Variants in MYT1 observed in about 807,000 individuals in gnomAD.
The protein encoded by MYT1 is myelin transcription factor 1.
Under a neutral mutation model 123.0 loss-of-function variants are expected in MYT1, and 23 were observed. The observed-to-expected ratio is 0.19, with a 90% CI of 0.13 to 0.26. The LOEUF is 0.26. Ranked by LOEUF, MYT1 falls within the 10% of genes least tolerant of loss-of-function variation. MYT1 has a pLI of 1.00. For missense variants in MYT1, 1,125 were observed against 1,472.5 expected (o/e 0.76, Z 3.86); for synonymous variants, 518 against 575.3 (o/e 0.90, Z 1.43).
At chr20:64,211,384 G>A (rs778121231) in intron 8 of MYT1, 44 bp downstream of exon 8, 15 of 1,576,462 alleles carry the variant, frequency 9.5e-6, no homozygotes, top group South Asian at 2.3e-5. Context: ...TGAAGCTCAC[G>A]CTGCCTCTGT....
In MYT1 at chr20:64,198,893, G is replaced by A. The variant is rs1347895535; in HGVS notation, c.32G>A (p.Arg11His). 2 of 1,614,008 alleles carry A rather than the reference G, an allele frequency of 1.2e-6. No homozygotes were observed. The highest frequency in any genetic ancestry group is 2.2e-5 in the East Asian group (1 of 44,878). The change falls in exon 3 of 23, where the codon CGC becomes CAC. Residue 11 changes from arginine (R) to histidine (H), a missense_variant. By Grantham distance (29) the Arg-to-His change is conservative (BLOSUM62 0). This residue lies in a region of MYT1 where 406 missense variants were observed against 432.2 expected (regional missense o/e 0.94). Transcript: ENST00000328439. Reference protein sequence around the residue: MSLENEDKRARTRSKALRGPP... With the variant: MSLENEDKRAHTRSKALRGPP... ...TTAGAAAATGAAGACAAGCGAGCTC[G>A]CACCCGATCCAAGGCCCTGCGAGGT...
chr20:64,198,065 C>T (rs1464629897), intron 2 of MYT1, among the ~76,000 whole-genome samples: 1 of 152,012 alleles, frequency 6.6e-6, no homozygotes, highest in Admixed American at 6.5e-5. Flanking sequence ...ACGGGCGGAT[C>T]ACGAGGTCAG....
At position 64,240,920 on chromosome 20, in the gene MYT1, T is replaced by C. The variant is rs780086437; in HGVS notation, c.*472T>C. 24 of 157,926 alleles carry C rather than the reference T, an allele frequency of 1.5e-4. No individual in the cohort carries two copies. Among genetic ancestry groups the C allele is most frequent in the Non-Finnish European group, 3.1e-4 (22 of 71,342 alleles). The allele number at this position is 157,926 out of a possible 1,614,324, so 9.8% of individuals were successfully genotyped here. A position where few individuals can be genotyped will look rare whatever the true frequency, so the allele number is the denominator to read the frequency against. On this transcript the variant is annotated 3_prime_UTR_variant, in exon 23 of 23. Coordinates refer to ENST00000328439, the MANE Select transcript of MYT1 (RefSeq NM_004535.3). Reference sequence around the variant, plus strand: ...AGTGAGGGCCGATGAAGAAAGTGCGTTTTCTGTTTTCATTTAATTCAGTTT... The same window carrying C: ...AGTGAGGGCCGATGAAGAAAGTGCGCTTTCTGTTTTCATTTAATTCAGTTT...
chr20:64,235,278 G>T (rs1984477012), intron 19 of MYT1, among the ~76,000 whole-genome samples: 2 of 91,192 alleles, frequency 2.2e-5, no homozygotes, highest in African/African-American at 7.4e-5. Flanking sequence ...GTGTGACCCG[G>T]GGCTGGCCAT....
At chr20:64,180,001 C>T (rs1264837250) in intron 1 of MYT1, among the ~76,000 whole-genome samples, 1 of 147,642 alleles carries the variant, frequency 6.8e-6, no homozygotes, top group Non-Finnish European at 1.5e-5. Context: ...CACACATACG[C>T]CACACACGCT....
intron 1 of MYT1, among the ~76,000 whole-genome samples, chr20:64,178,882 T>TG (rs1363433289): frequency 8.0e-5 from 10 of 124,472 alleles, no homozygotes; most frequent in African/African-American, 1.3e-4. Context: ...GTGGGAGCAC[T>TG]AAGCCGTTAT....
At position 64,205,818 on chromosome 20, in the gene MYT1, CT is replaced by C; in HGVS notation, c.397+20del. On this transcript the variant is annotated intron_variant, in intron 6 of 22. Coordinates refer to ENST00000328439, the MANE Select transcript of MYT1 (RefSeq NM_004535.3). ...AGCTGAAGGTGCTTTGTCGCTCTTT[CT>C]TCCCCGAATAAAGGGCGCTTAGTGT... is the stretch of plus-strand genomic sequence containing the variant. 1.9e-6 allele frequency: 3 copies of C among 1,611,446 alleles called. No homozygotes were observed. The highest frequency in any genetic ancestry group is 2.5e-6 in the Non-Finnish European group (3 of 1,178,414).
In MYT1 at chr20:64,172,112, G is replaced by A. The variant is rs373559170; in HGVS notation, c.-99+7373G>A. 6.1e-3 allele frequency among the ~76,000 whole-genome samples: 936 copies of A among 152,298 alleles called. 20 individuals carry two copies. The South Asian group carries it at 0.075, about 12-fold the overall frequency. On this transcript the variant is annotated intron_variant, in intron 1 of 22. Coordinates refer to ENST00000328439, the MANE Select transcript of MYT1 (RefSeq NM_004535.3). ...TTTGTGTTTTCCCCAAATGTGTTCT[G>A]TGTTGGCTCTCGTGTACTGACCACT...
In MYT1 at chr20:64,212,210, G is replaced by A. The variant is rs187443415; in HGVS notation, c.1517+72G>A. ...TGGTGGGGGCCAGGGTGGGGGCCGT[G>A]GTGGGGGCCAGGGTGGGGGCCGTGG... On this transcript the variant is annotated intron_variant, in intron 9 of 22. Transcript: ENST00000328439. The surrounding 1 kb of genome is among the most constrained non-coding windows in gnomAD (Gnocchi z 6.8). The A allele has an allele frequency of 0.012, 3,008 of 243,174 alleles. 62 individuals are homozygous for A. Among genetic ancestry groups the A allele is most frequent in the African/African-American group, 0.052 (494 of 9,426 alleles). 15.1% of individuals were successfully genotyped at this position (243,174 alleles called of 1,614,324 possible).
rs566134911 is a variant in MYT1, at chr20:64,220,913, C to T, written c.2241+931C>T. Reference sequence around the variant, plus strand: ...TGAAGGGTGGGGGCTGGATCAGGCCCCTATGAAGGGTGGGGGCTGGATCAG... The same window carrying T: ...TGAAGGGTGGGGGCTGGATCAGGCCTCTATGAAGGGTGGGGGCTGGATCAG... On this transcript the variant is annotated intron_variant, in intron 13 of 22. Coordinates refer to ENST00000328439, the MANE Select transcript of MYT1 (RefSeq NM_004535.3). Among the ~76,000 whole-genome samples, 223 of 82,540 alleles carry T rather than the reference C, an allele frequency of 2.7e-3. 1 individual carries two copies. Among genetic ancestry groups the T allele is most frequent in the Non-Finnish European group, 4.4e-3 (164 of 37,148 alleles). The allele number at this position is 82,540 out of a possible 152,430, so 54.1% of individuals were successfully genotyped here. A position where few individuals can be genotyped will look rare whatever the true frequency, so the allele number is the denominator to read the frequency against.
chr20:64,171,498 G>A (rs1033868533), intron 1 of MYT1, among the ~76,000 whole-genome samples: 2 of 152,218 alleles, frequency 1.3e-5, no homozygotes, highest in African/African-American at 4.8e-5. Flanking sequence ...AATCGCACAT[G>A]CGGCTTCTAA....
chr20:64,233,943 G>T (rs1984420126), intron 19 of MYT1, among the ~76,000 whole-genome samples: 1 of 152,222 alleles, frequency 6.6e-6, no homozygotes, highest in Non-Finnish European at 1.5e-5. Context: ...CCGCTGGCAA[G>T]GACTCAGCTT....
chr20:64,235,810 G>A (rs1163515812), intron 19 of MYT1, among the ~76,000 whole-genome samples: 1 of 105,230 alleles, frequency 9.5e-6, no homozygotes. Context: ...TGGGCTGGCT[G>A]TGGTGGGTGA....
chr20:64,180,709 C>A (rs1982629485), intron 1 of MYT1, among the ~76,000 whole-genome samples: 1 of 152,232 alleles, frequency 6.6e-6, no homozygotes, highest in African/African-American at 2.4e-5. Flanking sequence ...AGAACTGGAC[C>A]TTTTCGGACA....
At chr20:64,229,590 G>A (rs957221602) in intron 18 of MYT1, among the ~76,000 whole-genome samples, 5 of 152,240 alleles carry the variant, frequency 3.3e-5, no homozygotes, top group Non-Finnish European at 7.3e-5. Flanking sequence ...TTCCTTCCCA[G>A]CCATAAACTT....
intron 10 of MYT1, 91 bp from the exon 11 acceptor site, chr20:64,216,976 C>T (rs376912880): frequency 4.8e-6 from 6 of 1,257,350 alleles, no homozygotes; most frequent in Non-Finnish European, 6.8e-6. Context: ...CTGTGAGGCC[C>T]CTGCCTGGGC....
chr20:64,173,529 TGCA>T, intron 1 of MYT1, among the ~76,000 whole-genome samples: 1 of 123,522 alleles, frequency 8.1e-6, no homozygotes, highest in Non-Finnish European at 1.8e-5. Context: ...CTTCTCCTCC[TGCA>T]GCATCCTTCC....
intron 10 of MYT1, among the ~76,000 whole-genome samples, chr20:64,216,243 G>A (rs1485161147): frequency 1.3e-5 from 2 of 152,218 alleles, no homozygotes; most frequent in Non-Finnish European, 2.9e-5. Context: ...GAAAGCCATG[G>A]CTGCTTGCCA....
chr20:64,230,072 G>C (rs1235429410), intron 18 of MYT1, among the ~76,000 whole-genome samples: 2 of 152,168 alleles, frequency 1.3e-5, no homozygotes, highest in East Asian at 3.9e-4. Context: ...TGATGTCCCT[G>C]ACAGCTTGAA....
Sources: gnomAD v4.1 joint callset for allele counts (sites outside exome capture counted in the v4.1 genomes callset) on GRCh38, gnomAD v4.1.1 for gene constraint, gnomAD v4.1.1 regional missense constraint, Gnocchi (gnomAD v3.1) non-coding constraint, MANE v1.5 for transcripts, NCBI Gene and HGNC (gene_info 2026-07-23, HGNC 2026-07-21) for gene names.